The following PTBP3 variants were observed in gnomAD, a reference collection of about 807,000 sequenced individuals.
The protein encoded by PTBP3 is polypyrimidine tract binding protein 3, also known as polypyrimidine tract-binding protein 3.
PTBP3 carries 20 observed loss-of-function variants against 58.7 expected under a neutral mutation model. The observed-to-expected ratio is 0.34, with a 90% CI of 0.24 to 0.50. The LOEUF (loss-of-function observed/expected upper bound fraction) is 0.50, where lower values mean the gene tolerates loss of function less well. Ranked by LOEUF, PTBP3 falls within the 20% of genes least tolerant of loss-of-function variation. The pLI, the probability that PTBP3 is intolerant of heterozygous loss-of-function variation, is 0.98. For synonymous variants in PTBP3, 185 were observed against 219.8 expected (o/e 0.84, Z 1.40); for missense variants, 509 against 637.2 (o/e 0.80, Z 2.17).
chr9:112,292,747 A>C (rs182655033), intron 2 of PTBP3, among the ~76,000 whole-genome samples: 53 of 152,372 alleles, frequency 3.5e-4, no homozygotes, highest in Non-Finnish European at 6.9e-4. Flanking sequence ...AACAGAAAGC[A>C]GAATGGGCTA....
chr9:112,320,314 A>ATATATATATATTTTTTTT, intron 1 of PTBP3, among the ~76,000 whole-genome samples: 35 of 75,686 alleles, frequency 4.6e-4, no homozygotes, highest in Non-Finnish European at 5.5e-4. Flanking sequence ...ATATATATAT[A>ATATATATATATTTTTTTT]TTTTTTTTTA....
At chr9:112,378,303 T>C in the PTBP3 span, among the ~76,000 whole-genome samples, 1 of 152,234 alleles carries the variant, frequency 6.6e-6, no homozygotes, top group African/African-American at 2.4e-5. Context: ...GTGAAAGCCA[T>C]CGCAAAGTAT....
chr9:112,252,491 A>AT (rs1836167976), intron 6 of PTBP3, 187 bp downstream of exon 6: 1 of 571,520 alleles, frequency 1.7e-6, no homozygotes, highest in Non-Finnish European at 3.1e-6. Context: ...AGACCGTTTC[A>AT]TATGAAGTAG....
At chr9:112,328,198 G>A (rs1382965878) in intron 1 of PTBP3, among the ~76,000 whole-genome samples, 1 of 152,172 alleles carries the variant, frequency 6.6e-6, no homozygotes, top group Non-Finnish European at 1.5e-5. Context: ...TGGCATACAA[G>A]GGAAATTAAG....
intron 12 of PTBP3, among the ~76,000 whole-genome samples, chr9:112,225,427 T>C (rs903485873): frequency 5.9e-5 from 9 of 152,194 alleles, no homozygotes; most frequent in Admixed American, 4.6e-4. Context: ...AGGTGGTTAC[T>C]GCTTAATGGG....
chr9:112,311,399 T>C (rs1829467104), intron 1 of PTBP3, among the ~76,000 whole-genome samples: 1 of 152,064 alleles, frequency 6.6e-6, no homozygotes, highest in South Asian at 2.1e-4. Flanking sequence ...AACCTAGAGA[T>C]GACTTAAAGT....
chr9:112,298,156 T>C (rs1213153517), intron 1 of PTBP3, among the ~76,000 whole-genome samples: 1 of 152,230 alleles, frequency 6.6e-6, no homozygotes, highest in African/African-American at 2.4e-5. Context: ...AAATTCTTTC[T>C]AACCAAACGC....
intron 2 of PTBP3, among the ~76,000 whole-genome samples, chr9:112,283,290 A>C (rs1029282705): frequency 6.6e-6 from 1 of 152,192 alleles, no homozygotes; most frequent in Non-Finnish European, 1.5e-5. Context: ...GAAGACAGGA[A>C]GATGTGGGAA....
At chr9:112,228,873 ATC>A (rs1486181378) in intron 10 of PTBP3, among the ~76,000 whole-genome samples, 4 of 152,122 alleles carry the variant, frequency 2.6e-5, no homozygotes, top group African/African-American at 9.7e-5. Flanking sequence ...TGGTCTAAAT[ATC>A]TCTCATATTT....
chr9:112,320,314 A>ATTTTTTT (rs67226574), intron 1 of PTBP3, among the ~76,000 whole-genome samples: 13 of 75,656 alleles, frequency 1.7e-4, no homozygotes, highest in South Asian at 4.9e-4. Context: ...ATATATATAT[A>ATTTTTTT]TTTTTTTTTA....
chr9:112,258,455 T>C (rs1836462745), intron 5 of PTBP3, among the ~76,000 whole-genome samples: 1 of 151,536 alleles, frequency 6.6e-6, no homozygotes, highest in African/African-American at 2.5e-5. Context: ...CCATTTATCA[T>C]CTCCCACTTG....
At chr9:112,284,251 C>G (rs1828006418) in intron 2 of PTBP3, among the ~76,000 whole-genome samples, 1 of 147,382 alleles carries the variant, frequency 6.8e-6, no homozygotes, top group Non-Finnish European at 1.5e-5. Context: ...AGGTACTCAA[C>G]ACCAGCTGCT....
At chr9:112,231,251 T>C (rs1010603491) in intron 10 of PTBP3, 129 bp downstream of exon 10, 27 of 621,064 alleles carry the variant, frequency 4.3e-5, no homozygotes, top group Non-Finnish European at 6.7e-5. Flanking sequence ...CTAAGTCTTA[T>C]TCACTGTTTT....
At chr9:112,313,855 AG>A (rs1185413240) in intron 1 of PTBP3, among the ~76,000 whole-genome samples, 1 of 152,232 alleles carries the variant, frequency 6.6e-6, no homozygotes, top group Non-Finnish European at 1.5e-5. Context: ...GAAAAGGAAT[AG>A]GAAAAAAATA....
the PTBP3 span, among the ~76,000 whole-genome samples, chr9:112,350,612 TGAACCA>T: frequency 6.6e-6 from 1 of 152,104 alleles, no homozygotes; most frequent in Non-Finnish European, 1.5e-5. Context: ...AAATAAAAAA[TGAACCA>T]GAACCAGAAA....
chr9:112,315,224 T>A (rs1012841686), intron 1 of PTBP3, among the ~76,000 whole-genome samples: 2 of 150,134 alleles, frequency 1.3e-5, no homozygotes, highest in Non-Finnish European at 3.0e-5. Context: ...ATGTTTAACA[T>A]AAAACAAACT....
chr9:112,318,697 T>C (rs1044603299), intron 1 of PTBP3, among the ~76,000 whole-genome samples: 12 of 151,580 alleles, frequency 7.9e-5, no homozygotes, highest in Non-Finnish European at 2.9e-5. Flanking sequence ...GAGGCAGAGG[T>C]TGCAGTGAGC....
At chr9:112,276,643 A>C (rs535339811) in intron 2 of PTBP3, among the ~76,000 whole-genome samples, 1 of 152,170 alleles carries the variant, frequency 6.6e-6, no homozygotes, top group South Asian at 2.1e-4. Flanking sequence ...ACCCAGACCT[A>C]CTGAAGCAGA....
the PTBP3 span, among the ~76,000 whole-genome samples, chr9:112,355,746 A>G: frequency 1.3e-5 from 2 of 148,750 alleles, no homozygotes; most frequent in East Asian, 4.0e-4. Context: ...CAGCCTCCTG[A>G]GTAGTTGTGA....
Sources: allele counts gnomAD v4.1 joint callset (sites outside exome capture counted in the v4.1 genomes callset), GRCh38; gene constraint gnomAD v4.1.1; transcripts MANE v1.5; gene names NCBI Gene and HGNC (gene_info 2026-07-23, HGNC 2026-07-21).